SAXO1: variants seen among roughly 807,000 people sequenced by gnomAD.
SAXO1 encodes stabilizer of axonemal microtubules 1.
A neutral mutation model predicts 17.5 loss-of-function variants in SAXO1; 21 were observed. The ratio of observed to expected loss-of-function variants is 1.20; its 90% CI spans 0.85 to 1.72. The LOEUF (loss-of-function observed/expected upper bound fraction) is 1.72, where lower values mean the gene tolerates loss of function less well. Among genes scored for constraint, SAXO1 ranks in the 40% most tolerant of loss-of-function variants. The probability of loss-of-function intolerance (pLI) is 0.00; values close to 1 mark genes in which losing one functional copy is unlikely to be tolerated. For synonymous variants in SAXO1, 274 were observed against 216.5 expected (o/e 1.27, Z -2.33); for missense variants, 843 against 596.0 (o/e 1.41, Z -4.32).
At chr9:19,002,892 G>A (rs1332262485) in intron 1 of SAXO1, among the ~76,000 whole-genome samples, 1 of 152,122 alleles carries the variant, frequency 6.6e-6, no homozygotes, top group Non-Finnish European at 1.5e-5. Context: ...AGTTCTGCTG[G>A]GGCAATCAGG....
At chr9:19,007,596 G>A (rs775241905) in intron 1 of SAXO1, among the ~76,000 whole-genome samples, 4 of 152,242 alleles carry the variant, frequency 2.6e-5, no homozygotes, top group Non-Finnish European at 5.9e-5. Context: ...GTTTAGAACA[G>A]CAAAACATTA....
At position 18,935,948 on chromosome 9, in the gene SAXO1, C is replaced by T. The variant is rs529385870; in HGVS notation, c.421+5689G>A. On this transcript the variant is annotated intron_variant, in intron 3 of 3. Transcript: ENST00000380534. ...AGGGGTGGGGATGGGGTGATGGAAG[C>T]AGCCCCAGAATAAAACATCACAGAC... Among the ~76,000 whole-genome samples the T allele has an allele frequency of 3.1e-4, 47 of 152,274 alleles. No individual in the cohort carries two copies. In the South Asian group the frequency reaches 9.3e-3, roughly 30 times the overall value.
intron 1 of SAXO1, chr9:19,027,993 G>A: frequency 6.3e-7 from 1 of 1,586,222 alleles, no homozygotes; most frequent in Non-Finnish European, 8.6e-7. Flanking sequence ...ACTTCAACGG[G>A]GCCCAGTGCA....
chr9:19,047,814 A>C (rs180844673), intron 1 of SAXO1, among the ~76,000 whole-genome samples: 79 of 151,384 alleles, frequency 5.2e-4, no homozygotes, highest in African/African-American at 1.8e-3. Flanking sequence ...TTTTATCTGG[A>C]AACTATTGGA....
intron 3 of SAXO1, among the ~76,000 whole-genome samples, chr9:18,940,768 C>T (rs939856000): frequency 2.0e-5 from 3 of 152,138 alleles, no homozygotes; most frequent in African/African-American, 4.8e-5. Context: ...CATATGACCA[C>T]GTATCTTGTC....
chr9:18,949,194 A>G (rs1831921758), intron 2 of SAXO1, among the ~76,000 whole-genome samples: 1 of 152,258 alleles, frequency 6.6e-6, no homozygotes, highest in Admixed American at 6.5e-5. Flanking sequence ...TTAATACATC[A>G]GGACACACAA....
chr9:18,941,872 C>T (rs772979655), intron 2 of SAXO1, 33 bp from the exon 3 acceptor site: 1 of 1,604,586 alleles, frequency 6.2e-7, no homozygotes, highest in Non-Finnish European at 8.5e-7. Context: ...TGTTGGGGTC[C>T]TTGGCTTGCG....
intron 1 of SAXO1, among the ~76,000 whole-genome samples, chr9:18,954,493 T>C (rs1168955466): frequency 6.6e-6 from 1 of 151,866 alleles, no homozygotes; most frequent in African/African-American, 2.4e-5. Context: ...CGCAAAACCA[T>C]GCATGGGTAA....
At chr9:18,985,607 A>G (rs944549912) in intron 1 of SAXO1, among the ~76,000 whole-genome samples, 2 of 152,142 alleles carry the variant, frequency 1.3e-5, no homozygotes, top group Non-Finnish European at 2.9e-5. Flanking sequence ...AAGCTGCCCA[A>G]GGATGGGCAG....
At chr9:19,006,890 C>T (rs1158623033) in intron 1 of SAXO1, among the ~76,000 whole-genome samples, 1 of 151,572 alleles carries the variant, frequency 6.6e-6, no homozygotes, top group Admixed American at 6.6e-5. Context: ...ACTAAAAATA[C>T]AAAAATTAGC....
rs903637614 is a variant in SAXO1, at chr9:18,950,662, T to C, written c.218+96A>G. ...ATGTTGATACTGCACATTAATGCAT[T>C]AGCACTGCACATTACATTAATATTA... On this transcript the variant is annotated intron_variant, in intron 2 of 3. Coordinates refer to ENST00000380534, the MANE Select transcript of SAXO1 (RefSeq NM_153707.4). 4.6e-6 allele frequency: 5 copies of C among 1,077,536 alleles called. No individual in the cohort carries two copies. In the African/African-American group the frequency reaches 7.9e-5, roughly 17 times the overall value. 66.7% of individuals were successfully genotyped at this position (1,077,536 alleles called of 1,614,324 possible).
At chr9:18,942,844 T>G (rs1831630717) in intron 2 of SAXO1, among the ~76,000 whole-genome samples, 1 of 152,218 alleles carries the variant, frequency 6.6e-6, no homozygotes. Flanking sequence ...CATTTCCCTC[T>G]GAAGGGTGTC....
intron 1 of SAXO1, among the ~76,000 whole-genome samples, chr9:18,988,246 T>A (rs184291622): frequency 1.3e-5 from 2 of 152,360 alleles, no homozygotes; most frequent in East Asian, 3.9e-4. Flanking sequence ...GAGCACAGCA[T>A]CTTCTGTGAG....
intron 1 of SAXO1, among the ~76,000 whole-genome samples, chr9:19,021,562 C>T (rs914682249): frequency 1.3e-5 from 2 of 152,102 alleles, no homozygotes; most frequent in African/African-American, 2.4e-5. Context: ...GATGGGAATC[C>T]CACTGTCTGA....
intron 2 of SAXO1, 108 bp downstream of exon 2, chr9:18,950,650 A>C (rs1262389714): frequency 1.1e-6 from 1 of 908,586 alleles, no homozygotes; most frequent in Non-Finnish European, 1.6e-6. Flanking sequence ...TTGATACTGC[A>C]CATTAATGCA....
chr9:18,993,899 C>G (rs923787758), intron 1 of SAXO1, among the ~76,000 whole-genome samples: 2 of 152,186 alleles, frequency 1.3e-5, no homozygotes, highest in African/African-American at 4.8e-5. Context: ...TAACCCCCAA[C>G]TCAGCTGAAA....
intron 1 of SAXO1, among the ~76,000 whole-genome samples, chr9:19,005,323 C>A (rs1834440902): frequency 6.6e-6 from 1 of 151,666 alleles, no homozygotes; most frequent in African/African-American, 2.4e-5. Context: ...CTGAAATAAT[C>A]TTGGAGAAAA....
upstream of SAXO1, among the ~76,000 whole-genome samples, chr9:19,037,097 C>T (rs987051860): frequency 6.6e-6 from 1 of 152,206 alleles, no homozygotes; most frequent in African/African-American, 2.4e-5. Flanking sequence ...ACTGTAACCC[C>T]TTTGTTTTGC....
intron 1 of SAXO1, among the ~76,000 whole-genome samples, chr9:18,994,365 G>A (rs932819299): frequency 4.6e-5 from 7 of 152,288 alleles, no homozygotes; most frequent in East Asian, 3.9e-4. Flanking sequence ...GGATCTGTCC[G>A]GCATTTGACA....
Sources: allele counts gnomAD v4.1 joint callset (sites outside exome capture counted in the v4.1 genomes callset), GRCh38; gene constraint gnomAD v4.1.1; transcripts MANE v1.5; gene names NCBI Gene and HGNC (gene_info 2026-07-23, HGNC 2026-07-21).